The following VMP1 variants were observed in gnomAD, a reference collection of about 807,000 sequenced individuals.
The protein encoded by VMP1 is ectopic P-granules autophagy protein 3 homolog.
VMP1 carries 11 observed loss-of-function variants against 56.0 expected under a neutral mutation model. That is an observed-to-expected ratio of 0.20 (90% CI 0.12 to 0.32). VMP1 has a LOEUF of 0.32. Among genes scored for constraint, VMP1 ranks in the 10% least tolerant of loss-of-function variants. VMP1 has a pLI of 1.00. For synonymous variants in VMP1, 149 were observed against 165.0 expected (o/e 0.90, Z 0.74); for missense variants, 296 against 490.3 (o/e 0.60, Z 3.74).
At chr17:59,743,550 T>TA (rs1242344826) in intron 5 of VMP1, among the ~76,000 whole-genome samples, 3 of 150,648 alleles carry the variant, frequency 2.0e-5, no homozygotes, top group African/African-American at 7.3e-5. Context: ...CAATTATTTT[T>TA]AAAAAACTGC....
intron 10 of VMP1, among the ~76,000 whole-genome samples, chr17:59,821,719 A>G (rs1804760032): frequency 6.6e-6 from 1 of 151,294 alleles, no homozygotes; most frequent in Non-Finnish European, 1.5e-5. Context: ...TGCCCGGCTA[A>G]TTTTTTATTT....
chr17:59,819,704 G>C (rs1477855092), intron 10 of VMP1, among the ~76,000 whole-genome samples: 1 of 152,104 alleles, frequency 6.6e-6, no homozygotes, highest in Non-Finnish European at 1.5e-5. Flanking sequence ...CGCCCATCTC[G>C]GGCTTCCAAA....
intron 1 of VMP1, among the ~76,000 whole-genome samples, chr17:59,726,988 G>T (rs554376740): frequency 6.6e-6 from 1 of 152,266 alleles, no homozygotes; most frequent in South Asian, 2.1e-4. Flanking sequence ...CGTGAAAGGT[G>T]AGGCAATATG....
intron 10 of VMP1, among the ~76,000 whole-genome samples, chr17:59,825,173 G>C (rs1005078157): frequency 1.5e-5 from 2 of 135,306 alleles, no homozygotes; most frequent in Non-Finnish European, 3.0e-5. Context: ...TGCAACCTCT[G>C]CCTCCTGTGT....
chr17:59,748,884 A>AT (rs1361133994), intron 5 of VMP1, among the ~76,000 whole-genome samples: 1 of 140,604 alleles, frequency 7.1e-6, no homozygotes, highest in African/African-American at 2.7e-5. Context: ...ATTTATTATT[A>AT]TTATTATTTA....
intron 10 of VMP1, among the ~76,000 whole-genome samples, chr17:59,824,611 G>A (rs1332548221): frequency 2.8e-5 from 4 of 141,996 alleles, no homozygotes; most frequent in Non-Finnish European, 6.1e-5. Flanking sequence ...AGTGGCCCAC[G>A]CCTGTAATCC....
At chr17:59,739,410 C>A (rs1302297269) in intron 5 of VMP1, among the ~76,000 whole-genome samples, 1 of 152,112 alleles carries the variant, frequency 6.6e-6, no homozygotes, top group Non-Finnish European at 1.5e-5. Flanking sequence ...TTCTTGAGTC[C>A]TTTGAACCAA....
chr17:59,795,316 C>T (rs1306772566), intron 7 of VMP1, among the ~76,000 whole-genome samples: 1 of 151,542 alleles, frequency 6.6e-6, no homozygotes, highest in Non-Finnish European at 1.5e-5. Context: ...GGGGTTTCAC[C>T]GTGTTGGTCA....
intron 7 of VMP1, among the ~76,000 whole-genome samples, chr17:59,806,000 T>C (rs1378857587): frequency 6.6e-6 from 1 of 152,168 alleles, no homozygotes; most frequent in Non-Finnish European, 1.5e-5. Context: ...CCTGATTTTA[T>C]ATATTTAATT....
chr17:59,777,083 C>A (rs2036642709), intron 7 of VMP1, among the ~76,000 whole-genome samples: 1 of 151,998 alleles, frequency 6.6e-6, no homozygotes, highest in Non-Finnish European at 1.5e-5. Flanking sequence ...CATTTTTTTT[C>A]ATGAAGTCAT....
At chr17:59,824,123 C>A (rs1183637448) in intron 10 of VMP1, among the ~76,000 whole-genome samples, 1 of 151,876 alleles carries the variant, frequency 6.6e-6, no homozygotes, top group African/African-American at 2.4e-5. Context: ...TGGTGGCAGG[C>A]ACCTGTCGTC....
chr17:59,779,734 A>G (rs77972441), intron 7 of VMP1, among the ~76,000 whole-genome samples: 1 of 152,326 alleles, frequency 6.6e-6, no homozygotes, highest in Non-Finnish European at 1.5e-5. Flanking sequence ...GAGTGCAGTG[A>G]GTGCCTTGTT....
At chr17:59,763,015 C>T (rs1327843012) in intron 5 of VMP1, among the ~76,000 whole-genome samples, 1 of 152,084 alleles carries the variant, frequency 6.6e-6, no homozygotes, top group Non-Finnish European at 1.5e-5. Context: ...TAGCTGTAGA[C>T]TACCTGTAGC....
chr17:59,830,854 C>T (rs937912071), intron 10 of VMP1, among the ~76,000 whole-genome samples: 6 of 152,142 alleles, frequency 3.9e-5, no homozygotes, highest in African/African-American at 1.4e-4. Context: ...AACAGGTTCT[C>T]CCTCTGTAGC....
chr17:59,779,815 CTTAT>C (rs1416208614), intron 7 of VMP1, among the ~76,000 whole-genome samples: 2 of 152,150 alleles, frequency 1.3e-5, no homozygotes, highest in Non-Finnish European at 2.9e-5. Flanking sequence ...GAGTAGAAGA[CTTAT>C]TTCATTCTTT....
intron 2 of VMP1, 23 bp from the exon 3 acceptor site, chr17:59,735,315 A>AT (rs1328065523): frequency 1.2e-6 from 2 of 1,608,660 alleles, no homozygotes; most frequent in Non-Finnish European, 1.7e-6. Flanking sequence ...TTCTGTTTTA[A>AT]TCTCTGCACT....
chr17:59,771,749 A>G (rs1047503113), intron 6 of VMP1, among the ~76,000 whole-genome samples: 5 of 150,584 alleles, frequency 3.3e-5, no homozygotes, highest in African/African-American at 4.9e-5. Context: ...TGGGACCACA[A>G]GTGCATAATT....
At chr17:59,746,973 G>A (rs9906856) in intron 5 of VMP1, among the ~76,000 whole-genome samples, 10,247 of 152,162 alleles carry the variant, frequency 0.067, 1,088 homozygotes, top group African/African-American at 0.23. Flanking sequence ...ACTGTGAAAT[G>A]TTAAGAACCA....
At chr17:59,763,984 A>G (rs2036147242) in intron 5 of VMP1, among the ~76,000 whole-genome samples, 1 of 152,220 alleles carries the variant, frequency 6.6e-6, no homozygotes, top group African/African-American at 2.4e-5. Context: ...CCAGGAATTT[A>G]TATTTTAACC....
Sources: gnomAD v4.1 joint callset for allele counts (sites outside exome capture counted in the v4.1 genomes callset) on GRCh38, gnomAD v4.1.1 for gene constraint, MANE v1.5 for transcripts, NCBI Gene and HGNC (gene_info 2026-07-23, HGNC 2026-07-21) for gene names.